ZNF804A: variants seen among roughly 807,000 people sequenced by gnomAD.
The protein encoded by ZNF804A is zinc finger protein 804A.
A neutral mutation model predicts 16.5 loss-of-function variants in ZNF804A; 2 were observed. That is an observed-to-expected ratio of 0.12 (90% CI 0.05 to 0.38). The LOEUF (loss-of-function observed/expected upper bound fraction) is 0.38, where lower values mean the gene tolerates loss of function less well. ZNF804A is among the 10% of genes least tolerant of loss of function. The probability of loss-of-function intolerance (pLI) is 0.99; values close to 1 mark genes in which losing one functional copy is unlikely to be tolerated. For missense variants in ZNF804A, 1,473 were observed against 1,390.7 expected (o/e 1.06, Z -0.94); for synonymous variants, 534 against 489.6 (o/e 1.09, Z -1.20).
chr2:184,703,547 G>A (rs1430649209), intron 1 of ZNF804A, among the ~76,000 whole-genome samples: 11 of 151,662 alleles, frequency 7.3e-5, no homozygotes, highest in African/African-American at 1.7e-4. Context: ...AAAATTAGCC[G>A]GGCGTGGTGG....
chr2:184,829,712 G>A (rs1289896992), intron 1 of ZNF804A, among the ~76,000 whole-genome samples: 4 of 151,310 alleles, frequency 2.6e-5, no homozygotes, highest in African/African-American at 7.3e-5. Flanking sequence ...TGGAGATTAA[G>A]ATTTTCTCTT....
In ZNF804A at chr2:184,864,875, A is replaced by ATTTTTTTTTTTTTTTTTTT. The variant is rs34114485; in HGVS notation, c.112-1489_112-1471dup. On this transcript the variant is annotated intron_variant, in intron 1 of 3. Transcript: ENST00000302277. ...TAAGAGACTTGAATATATAGTTAGG[A>ATTTTTTTTTTTTTTTTTTT]TTTTTTTTTTTTTTTTTTTTTTTGA... is the stretch of plus-strand genomic sequence containing the variant. Among the ~76,000 whole-genome samples, 14 of 105,468 alleles carry ATTTTTTTTTTTTTTTTTTT rather than the reference A, an allele frequency of 1.3e-4. 1 individual carries two copies. Among genetic ancestry groups the ATTTTTTTTTTTTTTTTTTT allele is most frequent in the African/African-American group, 6.3e-4 (14 of 22,126 alleles). 69.2% of individuals were successfully genotyped at this position (105,468 alleles called of 152,430 possible). A position where few individuals can be genotyped will look rare whatever the true frequency, so the allele number is the denominator to read the frequency against.
At chr2:184,652,028 A>C (rs1691991879) in intron 1 of ZNF804A, among the ~76,000 whole-genome samples, 1 of 152,212 alleles carries the variant, frequency 6.6e-6, no homozygotes, top group Non-Finnish European at 1.5e-5. Flanking sequence ...AAAGATATGC[A>C]ATCAACATTG....
At chr2:184,666,852 C>A (rs888377778) in intron 1 of ZNF804A, among the ~76,000 whole-genome samples, 6 of 151,888 alleles carry the variant, frequency 4.0e-5, no homozygotes, top group Non-Finnish European at 5.9e-5. Context: ...GGGAAATATA[C>A]GTGTATAAAA....
intron 1 of ZNF804A, among the ~76,000 whole-genome samples, chr2:184,770,507 G>T (rs1341490196): frequency 6.9e-6 from 1 of 144,494 alleles, no homozygotes; most frequent in Non-Finnish European, 1.5e-5. Context: ...GACTACCTAT[G>T]TGAGTAGTTT....
intron 1 of ZNF804A, among the ~76,000 whole-genome samples, chr2:184,609,726 G>C (rs1354120378): frequency 6.6e-6 from 1 of 152,194 alleles, no homozygotes; most frequent in South Asian, 2.1e-4. Context: ...GCATGCATGA[G>C]GGTTCCACCC....
intron 1 of ZNF804A, among the ~76,000 whole-genome samples, chr2:184,673,091 A>G (rs1047395271): frequency 8.5e-5 from 13 of 152,172 alleles, no homozygotes; most frequent in African/African-American, 2.7e-4. Flanking sequence ...AGAAAGGAGA[A>G]AAGAAAAAAA....
chr2:184,751,314 T>G (rs1188273357), intron 1 of ZNF804A, among the ~76,000 whole-genome samples: 1 of 151,424 alleles, frequency 6.6e-6, no homozygotes, highest in African/African-American at 2.4e-5. Flanking sequence ...GAAAACTGGA[T>G]ATCCACATGC....
intron 1 of ZNF804A, among the ~76,000 whole-genome samples, chr2:184,682,079 C>A (rs1179069889): frequency 6.6e-6 from 1 of 152,212 alleles, no homozygotes; most frequent in Non-Finnish European, 1.5e-5. Flanking sequence ...GGGAGGGAGA[C>A]CAGTGAGGGC....
chr2:184,771,465 G>C (rs954148875), intron 1 of ZNF804A, among the ~76,000 whole-genome samples: 1 of 151,878 alleles, frequency 6.6e-6, no homozygotes, highest in Non-Finnish European at 1.5e-5. Context: ...TGTCTCCTGG[G>C]GCTAGTTGGG....
At chr2:184,847,723 T>C (rs545784908) in intron 1 of ZNF804A, among the ~76,000 whole-genome samples, 9 of 152,186 alleles carry the variant, frequency 5.9e-5, no homozygotes, top group Admixed American at 2.0e-4. Context: ...ACTGTTCCCA[T>C]TTTCAATGTC....
Position 184,939,205 on chromosome 2 carries a change from G to A in ZNF804A, c.*179G>A. On this transcript the variant is annotated 3_prime_UTR_variant, in exon 4 of 4. Transcript: ENST00000302277. ...GATGCAAATAAATCCCTAAGTTTCT[G>A]ATATATAATATTATTAAAGCACTGA... 6.1e-6 allele frequency: 4 copies of A among 653,012 alleles called. No individual in the cohort carries two copies. Among genetic ancestry groups the A allele is most frequent in the Admixed American group, 3.0e-5 (1 of 33,068 alleles). 40.5% of individuals were successfully genotyped at this position (653,012 alleles called of 1,614,324 possible).
In ZNF804A at chr2:184,927,312, T is replaced by A. The variant is rs189733300; in HGVS notation, c.256-6291T>A. Among the ~76,000 whole-genome samples the A allele has an allele frequency of 2.0e-3, 300 of 152,360 alleles. 1 individual carries two copies. Among genetic ancestry groups the A allele is most frequent in the African/African-American group, 6.9e-3 (288 of 41,598 alleles). On this transcript the variant is annotated intron_variant, in intron 2 of 3. Coordinates refer to ENST00000302277, the MANE Select transcript of ZNF804A (RefSeq NM_194250.2). ...ATTATCTGGATTACCAGACAAAGAC[T>A]CCTGTTCTTTTCCCTTACTTTCTTC...
At chr2:184,849,046 G>A (rs924473839) in intron 1 of ZNF804A, among the ~76,000 whole-genome samples, 2 of 152,092 alleles carry the variant, frequency 1.3e-5, no homozygotes, top group Middle Eastern at 3.4e-3. Flanking sequence ...TATATTGTTT[G>A]CCACTATTAC....
chr2:184,664,592 AT>A (rs963318315), intron 1 of ZNF804A, among the ~76,000 whole-genome samples: 75 of 152,134 alleles, frequency 4.9e-4, no homozygotes, highest in Admixed American at 8.5e-4. Flanking sequence ...GAGAAATTTA[AT>A]TTTTTTTCTT....
chr2:184,603,187 T>C (rs1691078303), intron 1 of ZNF804A, among the ~76,000 whole-genome samples: 1 of 152,156 alleles, frequency 6.6e-6, no homozygotes, highest in African/African-American at 2.4e-5. Flanking sequence ...TTCAAATTTA[T>C]CGAGGTGCCT....
chr2:184,774,702 A>G (rs1348623570), intron 1 of ZNF804A, among the ~76,000 whole-genome samples: 1 of 151,800 alleles, frequency 6.6e-6, no homozygotes, highest in African/African-American at 2.4e-5. Flanking sequence ...TTTATCAAAA[A>G]TATTTGCTCT....
chr2:184,847,270 T>C (rs1695534542), intron 1 of ZNF804A, among the ~76,000 whole-genome samples: 1 of 151,774 alleles, frequency 6.6e-6, no homozygotes, highest in Non-Finnish European at 1.5e-5. Context: ...GAGTTTGCAT[T>C]TCTGTGGAAT....
At chr2:184,789,918 G>A (rs374813113) in intron 1 of ZNF804A, among the ~76,000 whole-genome samples, 53 of 151,888 alleles carry the variant, frequency 3.5e-4, no homozygotes, top group African/African-American at 1.2e-3. Flanking sequence ...TACAATGCTA[G>A]GTTGTTAATT....
Sources: gnomAD v4.1 joint callset for allele counts (sites outside exome capture counted in the v4.1 genomes callset) on GRCh38, gnomAD v4.1.1 for gene constraint, MANE v1.5 for transcripts, NCBI Gene and HGNC (gene_info 2026-07-23, HGNC 2026-07-21) for gene names.